The following FAT4 variants were observed in gnomAD, a reference collection of about 807,000 sequenced individuals.
The protein encoded by FAT4 is protocadherin Fat 4.
Under a neutral mutation model 303.9 loss-of-function variants are expected in FAT4, and 84 were observed. The ratio of observed to expected loss-of-function variants is 0.28; its 90% CI spans 0.23 to 0.33. FAT4 has a LOEUF of 0.33. Ranked by LOEUF, FAT4 falls within the 10% of genes least tolerant of loss-of-function variation. FAT4 has a pLI of 1.00. For synonymous variants in FAT4, 2,307 were observed against 2,298.8 expected (o/e 1.00, Z -0.10); for missense variants, 6,005 against 6,146.8 (o/e 0.98, Z 0.77).
At chr4:125,431,472 T>G (rs142705544) in intron 7 of FAT4, among the ~76,000 whole-genome samples, 68 of 152,336 alleles carry the variant, frequency 4.5e-4, no homozygotes, top group African/African-American at 1.5e-3. Flanking sequence ...GGCAGAATCC[T>G]GAGAGCTGTA....
Position 125,372,612 on chromosome 4 carries a change from T to C in FAT4, c.5176-26172T>C, listed in dbSNP as rs184618242. ...AAGCTGGCTTAAAAAAAAGGGAGGG[T>C]CTTCTCAGACAGTTCTCTTTTTACA... is the stretch of plus-strand genomic sequence containing the variant. On this transcript the variant is annotated intron_variant, in intron 2 of 17. Transcript: ENST00000394329. Among the ~76,000 whole-genome samples the C allele has an allele frequency of 2.6e-5, 4 of 151,798 alleles. No homozygotes were observed. The East Asian group carries it at 7.8e-4, about 29-fold the overall frequency.
intron 2 of FAT4, among the ~76,000 whole-genome samples, chr4:125,333,167 C>T (rs1488046850): frequency 1.3e-5 from 2 of 151,820 alleles, no homozygotes; most frequent in East Asian, 1.9e-4. Flanking sequence ...TTAGGTAACT[C>T]ATTGAGTTTA....
At chr4:125,353,722 CTT>C (rs1309319979) in intron 2 of FAT4, among the ~76,000 whole-genome samples, 1 of 151,560 alleles carries the variant, frequency 6.6e-6, no homozygotes, top group Non-Finnish European at 1.5e-5. Context: ...TATAATATGA[CTT>C]ATATGCATAC....
intron 2 of FAT4, among the ~76,000 whole-genome samples, chr4:125,357,465 A>G (rs1398456352): frequency 6.6e-6 from 1 of 152,166 alleles, no homozygotes; most frequent in Non-Finnish European, 1.5e-5. Flanking sequence ...TTTAATAGTA[A>G]CAAAGGAATC....
At chr4:125,459,299 G>A (rs1188925642) in intron 10 of FAT4, among the ~76,000 whole-genome samples, 1 of 152,038 alleles carries the variant, frequency 6.6e-6, no homozygotes, top group Non-Finnish European at 1.5e-5. Context: ...GCTTGGACAA[G>A]TGAAACTTGA....
At chr4:125,355,896 C>T (rs1358517686) in intron 2 of FAT4, among the ~76,000 whole-genome samples, 2 of 151,234 alleles carry the variant, frequency 1.3e-5, no homozygotes, top group East Asian at 3.9e-4. Context: ...CCCAGATATT[C>T]TTACATTAGA....
At position 125,347,821 on chromosome 4, in the gene FAT4, G is replaced by A. The variant is rs535994686; in HGVS notation, c.5175+26235G>A. On this transcript the variant is annotated intron_variant, in intron 2 of 17. Transcript: ENST00000394329. ...TTATAGTAGGACCTCTGAGTTATATGTCTGAAAATTAATTGACTTTTGGAT... is the reference window on the plus strand; with the variant it reads ...TTATAGTAGGACCTCTGAGTTATATATCTGAAAATTAATTGACTTTTGGAT... Among the ~76,000 whole-genome samples, 3 of 151,876 alleles carry A rather than the reference G, an allele frequency of 2.0e-5. No individual in the cohort carries two copies. In the East Asian group the frequency reaches 5.8e-4, roughly 29 times the overall value.
chr4:125,368,387 A>C (rs1183549430), intron 2 of FAT4, among the ~76,000 whole-genome samples: 1 of 151,710 alleles, frequency 6.6e-6, no homozygotes, highest in Non-Finnish European at 1.5e-5. Context: ...AAAGCAAACT[A>C]AAAAGACATT....
At position 125,430,567 on chromosome 4, in the gene FAT4, T is replaced by G. The variant is rs141234224; in HGVS notation, c.7019-3678T>G. ...CTGTAAGGTTTCCTATGAAAAAAAA[T>G]TTTTAAAACTAACAAGACTTGTGTG... On this transcript the variant is annotated intron_variant, in intron 7 of 17. Transcript: ENST00000394329. Among the ~76,000 whole-genome samples, 464 of 152,060 alleles carry G rather than the reference T, an allele frequency of 3.1e-3. 4 individuals carry two copies. Among genetic ancestry groups the G allele is most frequent in the African/African-American group, 0.011 (455 of 41,468 alleles).
chr4:125,467,375 CA>C (rs1265603683), intron 11 of FAT4, among the ~76,000 whole-genome samples: 1 of 152,074 alleles, frequency 6.6e-6, no homozygotes, highest in Non-Finnish European at 1.5e-5. Flanking sequence ...ATTTATGGGA[CA>C]TATAAAGCCA....
chr4:125,319,818 G>C lies in FAT4; in HGVS notation c.3407G>C (p.Arg1136Thr). 6.2e-7 allele frequency: 1 copy of C among 1,614,148 alleles called. No homozygotes were observed. The highest frequency in any genetic ancestry group is 8.5e-7 in the Non-Finnish European group (1 of 1,180,022). The change falls in exon 2 of 18, where the codon AGG becomes ACG. Residue 1136 changes from arginine (R) to threonine (T), a missense_variant. Arg to Thr is a moderately conservative substitution (Grantham distance 71). Transcript: ENST00000394329. ...GACTTTGGGCCAAATGGAGAAGTAA[G>C]GTATTCTTTTGAAATGGTGCAGCCA... ...DKDFGPNGEVRYSFEMVQPDF... is the reference protein window; with the variant it reads ...DKDFGPNGEVTYSFEMVQPDF...
At chr4:125,356,035 A>C (rs1047281531) in intron 2 of FAT4, among the ~76,000 whole-genome samples, 4 of 151,962 alleles carry the variant, frequency 2.6e-5, no homozygotes, top group Non-Finnish European at 4.4e-5. Context: ...AGTGGCCTAA[A>C]CAGACCCTGA....
chr4:125,472,816 T>G (rs1726908619), intron 12 of FAT4, among the ~76,000 whole-genome samples: 1 of 152,202 alleles, frequency 6.6e-6, no homozygotes, highest in South Asian at 2.1e-4. Context: ...CAAGGGTAGC[T>G]GCTCAGACAT....
intron 2 of FAT4, among the ~76,000 whole-genome samples, chr4:125,378,759 A>G (rs1733428982): frequency 6.6e-6 from 1 of 152,182 alleles, no homozygotes; most frequent in Non-Finnish European, 1.5e-5. Context: ...TCCATACTCA[A>G]TATTTGTCTT....
chr4:125,317,473 G>T lies in FAT4; in HGVS notation c.1062G>T (p.Lys354Asn). 1.2e-6 allele frequency: 2 copies of T among 1,613,734 alleles called. No individual in the cohort carries two copies. The highest frequency in any genetic ancestry group is 1.7e-6 in the Non-Finnish European group (2 of 1,180,052). Reference sequence around the variant, plus strand: ...TGAATGACAATGACCCGGTAGTGAAGTTCCGCTACTTCCCGGCCACCTCGC... The same window carrying T: ...TGAATGACAATGACCCGGTAGTGAATTTCCGCTACTTCCCGGCCACCTCGC... Reference protein sequence around the residue: ...LDVNDNDPVVKFRYFPATSRY... With the variant: ...LDVNDNDPVVNFRYFPATSRY... Residue 354 changes from lysine (K) to asparagine (N), a missense_variant, in exon 2 of 18, where the codon AAG (lysine) becomes AAT (asparagine). Coordinates refer to ENST00000394329, the MANE Select transcript of FAT4 (RefSeq NM_001291303.3). This position sits in a 1 kb window ranked among gnomAD's most constrained non-coding sequence, Gnocchi z 7.0.
chr4:125,430,116 A>G (rs1725232224), intron 7 of FAT4, among the ~76,000 whole-genome samples: 1 of 151,852 alleles, frequency 6.6e-6, no homozygotes, highest in South Asian at 2.1e-4. Flanking sequence ...CATATGTAAC[A>G]AACCTGCACG....
Position 125,415,232 on chromosome 4 carries a change from T to TGAAC in FAT4, c.6270_6273dup (p.Pro2092GlufsTer13). On this transcript the variant is annotated frameshift_variant, in exon 6 of 18. Transcript: ENST00000394329. LOFTEE classifies it high-confidence loss of function. Reference sequence around the variant, plus strand: ...AACAGCTATATTGAGTACACTCTGCTGAACCCTTTGGGAAACAAGTTCAGT... The same window carrying TGAAC: ...AACAGCTATATTGAGTACACTCTGCTGAACGAACCCTTTGGGAAACAAGTTCAGT... 1 of 1,614,132 alleles carries TGAAC rather than the reference T, an allele frequency of 6.2e-7. No individual in the cohort carries two copies. Among genetic ancestry groups the TGAAC allele is most frequent in the Non-Finnish European group, 8.5e-7 (1 of 1,179,986 alleles).
intron 2 of FAT4, among the ~76,000 whole-genome samples, chr4:125,367,186 C>T (rs1732918463): frequency 6.6e-6 from 1 of 151,880 alleles, no homozygotes; most frequent in African/African-American, 2.4e-5. Context: ...ATTTATTTTA[C>T]CACATTGCTC....
intron 14 of FAT4, 77 bp from the exon 15 acceptor site, chr4:125,479,664 A>C (rs1727153139): frequency 7.4e-7 from 1 of 1,343,016 alleles, no homozygotes; most frequent in African/African-American, 1.5e-5. Context: ...ACAAGCTAAT[A>C]AAAGTGTATA....
Sources: gnomAD v4.1 joint callset for allele counts (sites outside exome capture counted in the v4.1 genomes callset) on GRCh38, gnomAD v4.1.1 for gene constraint, Gnocchi (gnomAD v3.1) non-coding constraint, MANE v1.5 for transcripts, NCBI Gene and HGNC (gene_info 2026-07-23, HGNC 2026-07-21) for gene names.